PCNX4: variants seen among roughly 807,000 people sequenced by gnomAD.
PCNX4 encodes pecanex-like protein 4.
A neutral mutation model predicts 107.2 loss-of-function variants in PCNX4; 103 were observed. That is an observed-to-expected ratio of 0.96 (90% CI 0.82 to 1.13). The LOEUF is 1.13. Ranked by LOEUF, PCNX4 falls within the 50% of genes most tolerant of loss-of-function variation. The pLI is 0.00. For missense variants in PCNX4, 1,528 were observed against 1,379.4 expected (o/e 1.11, Z -1.71); for synonymous variants, 541 against 481.7 (o/e 1.12, Z -1.61).
rs1287733360 is a variant in PCNX4, at chr14:60,140,821, AT to A, written c.*6605del. 6.6e-6 allele frequency: 1 copy of A among 152,136 alleles called. No individual in the cohort carries two copies. Among genetic ancestry groups the A allele is most frequent in the African/African-American group, 2.4e-5 (1 of 41,426 alleles). The allele number at this position is 152,136 out of a possible 1,614,324, so 9.4% of individuals were successfully genotyped here. ...AGTTTGCTTTTTAATATTCATCTTT[AT>A]TTTTCTTATCTTGAGTATGCACATA... On this transcript the variant is annotated 3_prime_UTR_variant, in exon 11 of 11. Coordinates refer to ENST00000406854, the MANE Select transcript of PCNX4 (RefSeq NM_001330177.2). This position sits in a 1 kb window ranked among gnomAD's most constrained non-coding sequence, Gnocchi z 4.2.
At chr14:60,129,538 G>T (rs541172890) in intron 10 of PCNX4, among the ~76,000 whole-genome samples, 59 of 152,302 alleles carry the variant, frequency 3.9e-4, no homozygotes, top group Admixed American at 7.2e-4. Context: ...AGGTGATGGA[G>T]CAAGACCCTG....
At chr14:60,121,326 G>A in intron 8 of PCNX4, 27 bp downstream of exon 8, 2 of 1,595,366 alleles carry the variant, frequency 1.3e-6, no homozygotes, top group Non-Finnish European at 1.7e-6. Context: ...AACATCTGTA[G>A]TATTTTTATA....
chr14:60,093,572 C>G (rs1314870420), intron 1 of PCNX4, among the ~76,000 whole-genome samples: 1 of 151,786 alleles, frequency 6.6e-6, no homozygotes. Flanking sequence ...GTGGATATAT[C>G]ACATTTATCC....
intron 1 of PCNX4, among the ~76,000 whole-genome samples, chr14:60,102,322 A>AACTT (rs1040433631): frequency 5.1e-5 from 3 of 59,272 alleles, no homozygotes; most frequent in Non-Finnish European, 1.2e-4. Context: ...GATAGATTTA[A>AACTT]AAAAACTTCA....
chr14:60,133,926 A>G (rs1896200039), intron 10 of PCNX4, 44 bp from the exon 11 acceptor site: 2 of 1,541,068 alleles, frequency 1.3e-6, no homozygotes, highest in Non-Finnish European at 1.8e-6. Context: ...CCTAAATGGA[A>G]TCTCTTTTCT....
intron 1 of PCNX4, among the ~76,000 whole-genome samples, chr14:60,095,174 G>A (rs901311017): frequency 6.6e-6 from 1 of 152,190 alleles, no homozygotes; most frequent in Non-Finnish European, 1.5e-5. Flanking sequence ...AGGATGTTGA[G>A]AAGTACACAA....
Position 60,117,533 on chromosome 14 carries a change from T to A in PCNX4, c.1579-796T>A, listed in dbSNP as rs73310155. Among the ~76,000 whole-genome samples, 441 of 152,326 alleles carry A rather than the reference T, an allele frequency of 2.9e-3. 3 individuals carry two copies. The highest frequency in any genetic ancestry group is 0.01 in the African/African-American group (423 of 41,566). On this transcript the variant is annotated intron_variant, in intron 6 of 10. Transcript: ENST00000406854. ...CGTTATTAGTGAACATATGTTTTCA[T>A]TTATCTTGGGTATACCTACCTAGGA...
Position 60,092,112 on chromosome 14 carries a change from G to C in PCNX4, c.-361G>C, listed in dbSNP as rs1895306621. ...TCCTCTAGGCCAAGCCTGCTTTACG[G>C]CAGGGCCCGCCTCGGGAGCGAGCAC... On this transcript the variant is annotated 5_prime_UTR_variant, in exon 1 of 11. Coordinates refer to ENST00000406854, the MANE Select transcript of PCNX4 (RefSeq NM_001330177.2). 1 of 152,316 alleles carries C rather than the reference G, an allele frequency of 6.6e-6. No homozygotes were observed. The highest frequency in any genetic ancestry group is 1.5e-5 in the Non-Finnish European group (1 of 68,088). The allele number at this position is 152,316 out of a possible 1,614,324, so 9.4% of individuals were successfully genotyped here. A position where few individuals can be genotyped will look rare whatever the true frequency, so the allele number is the denominator to read the frequency against.
In PCNX4 at chr14:60,132,740, A is replaced by C. The variant is rs890565309; in HGVS notation, c.3268-1230A>C. Among the ~76,000 whole-genome samples, 39 of 152,256 alleles carry C rather than the reference A, an allele frequency of 2.6e-4. 1 individual carries two copies. Among genetic ancestry groups the C allele is most frequent in the Admixed American group, 9.2e-4 (14 of 15,292 alleles). ...TGTTACTAGAATATATAAAAAAAAA[A>C]CTTACAACTCTATAATAAAAAGATA... On this transcript the variant is annotated intron_variant, in intron 10 of 10. Coordinates refer to ENST00000406854, the MANE Select transcript of PCNX4 (RefSeq NM_001330177.2).
At chr14:60,101,697 T>TAA (rs34588901) in intron 1 of PCNX4, among the ~76,000 whole-genome samples, 87 of 151,686 alleles carry the variant, frequency 5.7e-4, no homozygotes, top group Admixed American at 1.0e-3. Context: ...TCTCAAAATA[T>TAA]AAAAAAAATA....
chr14:60,118,665 C>T lies in PCNX4; in HGVS notation c.1915C>T (p.Gln639Ter), dbSNP rs903483302. 2 of 1,593,476 alleles carry T rather than the reference C, an allele frequency of 1.3e-6. No homozygotes were observed. Among genetic ancestry groups the T allele is most frequent in the Non-Finnish European group, 1.7e-6 (2 of 1,166,002 alleles). ...QMVPRLTAVL[Q>*]TAMAAGSLGL... is the part of the protein sequence containing the mutation. The stretch of plus-strand genomic sequence containing the variant: ...GGTGCCCAGGTTGACTGCTGTACTG[C>T]AGACTGCAATGGCAGCTGGAAGTTT... Residue 639 changes from glutamine to a stop codon, truncating the protein, a stop_gained, in exon 7 of 11, where the codon CAG (glutamine) becomes TAG (stop). Coordinates refer to ENST00000406854, the MANE Select transcript of PCNX4 (RefSeq NM_001330177.2). LOFTEE classifies it high-confidence loss of function.
chr14:60,105,642 T>C (rs144356301), intron 1 of PCNX4, among the ~76,000 whole-genome samples: 261 of 152,342 alleles, frequency 1.7e-3, no homozygotes, highest in Non-Finnish European at 3.4e-3. Context: ...CTGCACTGTT[T>C]GGAATATAAT....
rs767779821 is a variant in PCNX4, at chr14:60,134,245, T to G, written c.*24T>G. On this transcript the variant is annotated 3_prime_UTR_variant, in exon 11 of 11. Transcript: ENST00000406854. ...AGAGCTCATTTTGACTGTAATGTCATCAAATGCAATGTTTTTATTTTTTCA... is the reference window on the plus strand; with the variant it reads ...AGAGCTCATTTTGACTGTAATGTCAGCAAATGCAATGTTTTTATTTTTTCA... 3.7e-6 allele frequency: 6 copies of G among 1,603,802 alleles called. No homozygotes were observed. The highest frequency in any genetic ancestry group is 5.1e-6 in the Non-Finnish European group (6 of 1,173,982).
chr14:60,119,832 A>C (rs1454214839), intron 7 of PCNX4, among the ~76,000 whole-genome samples: 1 of 152,238 alleles, frequency 6.6e-6, no homozygotes, highest in Non-Finnish European at 1.5e-5. Context: ...CAGAGTGGCA[A>C]AAATGTAAAC....
In PCNX4 at chr14:60,124,790, C is replaced by T. The variant is rs1343265122; in HGVS notation, c.2619C>T (p.Asn873=). 19 of 1,613,478 alleles carry T rather than the reference C, an allele frequency of 1.2e-5. No individual in the cohort carries two copies. The highest frequency in any genetic ancestry group is 3.3e-5 in the South Asian group (3 of 91,076). The part of the protein sequence containing the change: ...GDHSTGTVPE[N]DLYKAVLLGY... ...ATTCTACAGGCACTGTTCCTGAAAA[C>T]GATCTTTACAAAGCAGTTCTATTAG... Residue 873 remains asparagine, a synonymous_variant, in exon 9 of 11, where the codon AAC becomes AAT. Transcript: ENST00000406854.
rs1422843844 is a variant in PCNX4 at position 60,141,025 on chromosome 14, T to TA, written c.*6805dup. On this transcript the variant is annotated 3_prime_UTR_variant, in exon 11 of 11. Transcript: ENST00000406854. ...ACAGGGAAAATTAATTTTCCCTACT[T>TA]ATAAAGATGAAAGAGGCAGCCATCC... is the stretch of plus-strand genomic sequence containing the variant. 1 of 152,218 alleles carries TA rather than the reference T, an allele frequency of 6.6e-6. No homozygotes were observed. The highest frequency in any genetic ancestry group is 1.9e-4 in the East Asian group (1 of 5,204). The allele number at this position is 152,218 out of a possible 1,614,324, so 9.4% of individuals were successfully genotyped here.
At chr14:60,133,640 A>G (rs1896194111) in intron 10 of PCNX4, 2 of 497,978 alleles carry the variant, frequency 4.0e-6, no homozygotes, top group Non-Finnish European at 7.8e-6. Flanking sequence ...CTATTGTATC[A>G]TTCACCACCA....
intron 1 of PCNX4, among the ~76,000 whole-genome samples, chr14:60,096,234 C>T (rs762583321): frequency 7.2e-5 from 11 of 152,178 alleles, no homozygotes; most frequent in Non-Finnish European, 1.3e-4. Flanking sequence ...TATGATGGTG[C>T]AGGTCCTCCC....
At chr14:60,102,526 C>T (rs747066550) in intron 1 of PCNX4, among the ~76,000 whole-genome samples, 4 of 152,138 alleles carry the variant, frequency 2.6e-5, no homozygotes, top group African/African-American at 4.8e-5. Flanking sequence ...GTTTCTTACT[C>T]TTGTGAGTAA....
Sources: gnomAD v4.1 joint callset for allele counts (sites outside exome capture counted in the v4.1 genomes callset) on GRCh38, gnomAD v4.1.1 for gene constraint, Gnocchi (gnomAD v3.1) non-coding constraint, MANE v1.5 for transcripts, NCBI Gene and HGNC (gene_info 2026-07-23, HGNC 2026-07-21) for gene names.